Variants in CLYBL observed in about 807,000 individuals in gnomAD.
CLYBL encodes the protein citramalyl-CoA lyase, mitochondrial.
Under a neutral mutation model 38.9 loss-of-function variants are expected in CLYBL, and 31 were observed. The observed-to-expected ratio is 0.80, with a 90% CI of 0.60 to 1.08. The LOEUF is 1.08. CLYBL is among the 50% of genes least tolerant of loss of function. The pLI, the probability that CLYBL is intolerant of heterozygous loss-of-function variation, is 0.00. For missense variants in CLYBL, 434 were observed against 411.6 expected (o/e 1.05, Z -0.47); for synonymous variants, 171 against 158.6 (o/e 1.08, Z -0.59).
At chr13:99,863,765 C>T (rs1411370929) in intron 4 of CLYBL, among the ~76,000 whole-genome samples, 1 of 152,198 alleles carries the variant, frequency 6.6e-6, no homozygotes, top group Non-Finnish European at 1.5e-5. Flanking sequence ...TCTCATTCCA[C>T]CTGACCTGCG....
intron 2 of CLYBL, among the ~76,000 whole-genome samples, chr13:99,858,660 C>T (rs1439878350): frequency 1.3e-5 from 2 of 152,190 alleles, no homozygotes; most frequent in African/African-American, 2.4e-5. Context: ...TTATAGCTAT[C>T]GCGAATGAAA....
intron 1 of CLYBL, among the ~76,000 whole-genome samples, chr13:99,742,561 C>A (rs1429965651): frequency 6.6e-6 from 1 of 152,134 alleles, no homozygotes; most frequent in Non-Finnish European, 1.5e-5. Flanking sequence ...AAATTAGACA[C>A]CCAAAAGTCT....
At chr13:99,623,755 C>G (rs537478401) in intron 1 of CLYBL, among the ~76,000 whole-genome samples, 6 of 151,910 alleles carry the variant, frequency 3.9e-5, no homozygotes, top group African/African-American at 1.2e-4. Flanking sequence ...GTCAGGAGAT[C>G]GAGACTATCC....
chr13:99,882,847 T>C (rs1231948638), intron 7 of CLYBL, among the ~76,000 whole-genome samples: 4 of 152,080 alleles, frequency 2.6e-5, no homozygotes, highest in Non-Finnish European at 2.9e-5. Context: ...ACAATCTTCC[T>C]ATTTCCTCCT....
intron 1 of CLYBL, among the ~76,000 whole-genome samples, chr13:99,754,363 A>T (rs938379409): frequency 7.0e-6 from 1 of 142,784 alleles, no homozygotes; most frequent in African/African-American, 2.6e-5. Context: ...GTTGCTGTGA[A>T]CTGTGATTGC....
In CLYBL at chr13:99,608,941, G is replaced by A. The variant is rs114912425; in HGVS notation, c.62+2184G>A. ...TTATGATGTGTGTAGATCTGTTTGA[G>A]TTTATCCTCTTGGAAGTTTATTGAG... On this transcript the variant is annotated intron_variant, in intron 1 of 8. Coordinates refer to ENST00000339105, the MANE Select transcript of CLYBL (RefSeq NM_206808.5). Among the ~76,000 whole-genome samples the A allele has an allele frequency of 4.6e-3, 397 of 86,976 alleles. 1 individual carries two copies. Among genetic ancestry groups the A allele is most frequent in the African/African-American group, 0.019 (386 of 20,466 alleles). 57.1% of individuals were successfully genotyped at this position (86,976 alleles called of 152,430 possible). A position where few individuals can be genotyped will look rare whatever the true frequency, so the allele number is the denominator to read the frequency against.
intron 1 of CLYBL, among the ~76,000 whole-genome samples, chr13:99,727,809 G>A (rs1210610562): frequency 6.6e-6 from 1 of 152,126 alleles, no homozygotes. Flanking sequence ...CGGGTGCGGT[G>A]GCTCATGCAT....
chr13:99,623,254 C>T (rs1415688031), intron 1 of CLYBL, among the ~76,000 whole-genome samples: 4 of 152,232 alleles, frequency 2.6e-5, no homozygotes, highest in African/African-American at 7.2e-5. Context: ...TCCACATCCT[C>T]GCCAACACTT....
chr13:99,734,521 G>A (rs1216913822), intron 1 of CLYBL, among the ~76,000 whole-genome samples: 3 of 152,116 alleles, frequency 2.0e-5, no homozygotes, highest in Non-Finnish European at 4.4e-5. Context: ...TCCCAAGTTA[G>A]GGAGCCCTGA....
chr13:99,737,820 A>G (rs1463854432), intron 1 of CLYBL, among the ~76,000 whole-genome samples: 1 of 152,194 alleles, frequency 6.6e-6, no homozygotes, highest in East Asian at 1.9e-4. Flanking sequence ...GGCAAACTGC[A>G]CCACAGTGAA....
chr13:99,718,111 T>C (rs2048344850), intron 1 of CLYBL, among the ~76,000 whole-genome samples: 1 of 152,120 alleles, frequency 6.6e-6, no homozygotes, highest in African/African-American at 2.4e-5. Flanking sequence ...ACTCCTGGGC[T>C]CAAGTGATCC....
intron 1 of CLYBL, among the ~76,000 whole-genome samples, chr13:99,762,391 C>A (rs755243633): frequency 6.6e-6 from 1 of 152,076 alleles, no homozygotes; most frequent in South Asian, 2.1e-4. Context: ...ATGTATTTAT[C>A]CAGCTTTCCC....
chr13:99,739,598 A>G (rs1379353933), intron 1 of CLYBL, among the ~76,000 whole-genome samples: 2 of 152,210 alleles, frequency 1.3e-5, no homozygotes, highest in African/African-American at 4.8e-5. Context: ...TTGTTATGTC[A>G]CTGTGAGTAT....
intron 1 of CLYBL, among the ~76,000 whole-genome samples, chr13:99,765,326 G>T (rs1282535161): frequency 6.6e-6 from 1 of 152,052 alleles, no homozygotes; most frequent in Non-Finnish European, 1.5e-5. Context: ...ATTTTCTCTT[G>T]CTGCTTTTAG....
intron 1 of CLYBL, among the ~76,000 whole-genome samples, chr13:99,746,762 A>G (rs1747581181): frequency 6.6e-6 from 1 of 152,224 alleles, no homozygotes; most frequent in South Asian, 2.1e-4. Flanking sequence ...GACAGGTGCT[A>G]TACCTCATAG....
intron 2 of CLYBL, among the ~76,000 whole-genome samples, chr13:99,826,085 A>G (rs2050689624): frequency 6.6e-6 from 1 of 152,240 alleles, no homozygotes; most frequent in Non-Finnish European, 1.5e-5. Context: ...TTTGGAAGAA[A>G]GCTACTGTGA....
At chr13:99,800,955 C>T (rs557497927) in intron 2 of CLYBL, among the ~76,000 whole-genome samples, 1 of 151,294 alleles carries the variant, frequency 6.6e-6, no homozygotes, top group Non-Finnish European at 1.5e-5. Context: ...CTTCAGAAGA[C>T]CCTAACTGAT....
chr13:99,835,536 T>C (rs2050915588), intron 2 of CLYBL, among the ~76,000 whole-genome samples: 1 of 152,016 alleles, frequency 6.6e-6, no homozygotes, highest in Non-Finnish European at 1.5e-5. Context: ...TGCAAGTGGG[T>C]CTGGGATATG....
intron 2 of CLYBL, among the ~76,000 whole-genome samples, chr13:99,805,155 G>A (rs571716386): frequency 2.0e-5 from 3 of 152,128 alleles, no homozygotes; most frequent in East Asian, 3.9e-4. Flanking sequence ...TTGCTTATCC[G>A]CTTATCTGTC....
Sources: gnomAD v4.1 joint callset for allele counts (sites outside exome capture counted in the v4.1 genomes callset) on GRCh38, gnomAD v4.1.1 for gene constraint, MANE v1.5 for transcripts, NCBI Gene and HGNC (gene_info 2026-07-23, HGNC 2026-07-21) for gene names.